Variants in MRPL16 observed in about 807,000 individuals in gnomAD.
MRPL16 encodes the protein large ribosomal subunit protein uL16m.
MRPL16 carries 17 observed loss-of-function variants against 22.7 expected under a neutral mutation model. The ratio of observed to expected loss-of-function variants is 0.75; its 90% confidence interval spans 0.51 to 1.12. The LOEUF (loss-of-function observed/expected upper bound fraction) is 1.12, where lower values mean the gene tolerates loss of function less well. MRPL16 is among the 50% of genes most tolerant of loss of function. MRPL16 has a pLI of 0.00. For synonymous variants in MRPL16, 103 were observed against 112.8 expected, an observed-to-expected ratio of 0.91 and a Z score of 0.55; for missense variants, 316 against 328.7, an observed-to-expected ratio of 0.96 and a Z score of 0.30.
chr11:59,810,344 G>A, intron 1 of MRPL16: 1 of 1,354,204 alleles, frequency 7.4e-7, no homozygotes, highest in Non-Finnish European at 9.5e-7. Context: ...TGAGGTGTGG[G>A]ATGCGGATTC....
chr11:59,810,717 CA>C lies in MRPL16; in HGVS notation c.-60del. ...AGCGACTCCGGCTGTCTCCTGCACC[CA>C]GGTAAGCAGCGGCGCTCCACTACCT... On this transcript the variant is annotated 5_prime_UTR_variant, in exon 1 of 4. Coordinates refer to ENST00000300151, the MANE Select transcript of MRPL16 (RefSeq NM_017840.4). 6.2e-7 allele frequency: 1 copy of C among 1,602,866 alleles called. No homozygotes were observed. Among genetic ancestry groups the C allele is most frequent in the Non-Finnish European group, 8.5e-7 (1 of 1,171,128 alleles).
chr11:59,810,606 G>A lies in MRPL16; in HGVS notation c.53C>T (p.Ser18Leu). The change falls in exon 1 of 4, where the codon TCA (serine) becomes TTA (leucine). Residue 18 changes from serine (S) to leucine (L), a missense_variant and splice_region_variant. Physicochemically the swap from Ser to Leu is moderately radical, Grantham distance 145. Coordinates refer to ENST00000300151, the MANE Select transcript of MRPL16 (RefSeq NM_017840.4). ...AGGAACCAAAAGGGACTTCTGACCT[G>A]ACAAGGGCACCCGCAGGAGCGGCGC... ...ASAPLLRVPLSDSWALLPASA... is the reference protein window; with the variant it reads ...ASAPLLRVPLLDSWALLPASA... 1.9e-6 allele frequency: 3 copies of A among 1,614,176 alleles called. No individual in the cohort carries two copies. Among genetic ancestry groups the A allele is most frequent in the Non-Finnish European group, 2.5e-6 (3 of 1,179,992 alleles).
chr11:59,809,500 C>G (rs1164779481), intron 2 of MRPL16: 3 of 228,786 alleles, frequency 1.3e-5, no homozygotes, highest in Non-Finnish European at 2.6e-5. Flanking sequence ...CCGCCTCCGC[C>G]TCCTAAAGTG....
chr11:59,810,572 A>C (rs371731208), intron 1 of MRPL16, 32 bp downstream of exon 1: 1 of 1,613,714 alleles, frequency 6.2e-7, no homozygotes, highest in Non-Finnish European at 8.5e-7. Context: ...GAAGAGGGGT[A>C]AAGTCTTTAG....
intron 1 of MRPL16, 70 bp downstream of exon 1, chr11:59,810,534 G>T (rs926771820): frequency 6.2e-7 from 1 of 1,602,900 alleles, no homozygotes; most frequent in Admixed American, 1.7e-5. Context: ...TTTGGGTTAG[G>T]GAGAAAAAGC....
At chr11:59,807,896 A>T in intron 2 of MRPL16, 47 bp from the exon 3 acceptor site, 1 of 1,454,354 alleles carries the variant, frequency 6.9e-7, no homozygotes, top group Non-Finnish European at 9.3e-7. Context: ...TATACATCTC[A>T]AAAGATCTAT....
In MRPL16 at chr11:59,807,751, C is replaced by T; in HGVS notation, c.220G>A (p.Gly74Arg). The change falls in exon 3 of 4, where the codon GGA becomes AGA. Residue 74 changes from glycine to arginine, a missense_variant. By Grantham distance (125) the Gly-to-Arg change is moderately radical. Coordinates refer to ENST00000300151, the MANE Select transcript of MRPL16 (RefSeq NM_017840.4). The stretch of plus-strand genomic sequence containing the variant: ...AACTCCGTAGCTTCAGTGGAAGGTC[C>T]CCGTATGTCACTTAAATTTTTAGGT... ...REPKNLSDIR[G>R]PSTEATEFTE... 6.2e-7 allele frequency: 1 copy of T among 1,613,492 alleles called. No homozygotes were observed. The highest frequency in any genetic ancestry group is 8.5e-7 in the Non-Finnish European group (1 of 1,179,756).
rs573825195 is a variant in MRPL16, at chr11:59,809,837, A to C, written c.121+18T>G. On this transcript the variant is annotated intron_variant, in intron 2 of 3. Transcript: ENST00000300151. ...ATCAGAGAAAAGATTTACGAACAGGAGAAAGACAAGCTCTCACCTTCAAAA... is the reference window on the plus strand; with the variant it reads ...ATCAGAGAAAAGATTTACGAACAGGCGAAAGACAAGCTCTCACCTTCAAAA... 1 of 1,605,856 alleles carries C rather than the reference A, an allele frequency of 6.2e-7. No individual in the cohort carries two copies. Among genetic ancestry groups the C allele is most frequent in the African/African-American group, 1.3e-5 (1 of 74,788 alleles).
chr11:59,809,629 ATT>A, intron 2 of MRPL16: 2 of 510,514 alleles, frequency 3.9e-6, no homozygotes, highest in Non-Finnish European at 6.9e-6. Flanking sequence ...GAGCTATCTC[ATT>A]AGACGCTGCT....
chr11:59,806,386 C>A lies in MRPL16; in HGVS notation c.717G>T (p.Gly239=). Residue 239 remains glycine, a synonymous_variant, in exon 4 of 4, where the codon GGG becomes GGT. Coordinates refer to ENST00000300151, the MANE Select transcript of MRPL16 (RefSeq NM_017840.4). ...VLSPYDLTHK[G]KYWGKFYMPK... ...GCATGTAGAACTTGCCCCAGTATTTCCCCTTGTGGGTCAAGTCATATGGGC... is the reference window on the plus strand; with the variant it reads ...GCATGTAGAACTTGCCCCAGTATTTACCCTTGTGGGTCAAGTCATATGGGC... 6.2e-7 allele frequency: 1 copy of A among 1,614,192 alleles called. No individual in the cohort carries two copies. Among genetic ancestry groups the A allele is most frequent in the South Asian group, 1.1e-5 (1 of 91,080 alleles).
In MRPL16 at chr11:59,806,262, C is replaced by T; in HGVS notation, c.*85G>A. 6.7e-7 allele frequency: 1 copy of T among 1,486,728 alleles called. No individual in the cohort carries two copies. The highest frequency in any genetic ancestry group is 9.1e-7 in the Non-Finnish European group (1 of 1,098,790). 92.1% of individuals were successfully genotyped at this position (1,486,728 alleles called of 1,614,324 possible). A position where few individuals can be genotyped will look rare whatever the true frequency, so the allele number is the denominator to read the frequency against. On this transcript the variant is annotated 3_prime_UTR_variant, in exon 4 of 4. Coordinates refer to ENST00000300151, the MANE Select transcript of MRPL16 (RefSeq NM_017840.4). ...CCTTAGTTATGGCTTAAGAGCTACC[C>T]AAAGACTTCAGTGGGTAGGCTGAGG...
chr11:59,810,563 A>G, intron 1 of MRPL16, 41 bp downstream of exon 1: 1 of 1,612,876 alleles, frequency 6.2e-7, no homozygotes, highest in South Asian at 1.1e-5. Context: ...GTGGGGGAGG[A>G]AGAGGGGTAA....
chr11:59,806,630 C>T lies in MRPL16; in HGVS notation c.473G>A (p.Arg158His), dbSNP rs200903139. ...ACGCCCACCCATCTCTACAACAAGG[C>T]GGCCAGCCTTCACAGGTGTCACGTA... ...DHYVTPVKAG[R>H]LVVEMGGRCE... The change falls in exon 4 of 4, where the codon CGC becomes CAC. Residue 158 changes from arginine to histidine, a missense_variant. By Grantham distance (29) the Arg-to-His change is conservative. Coordinates refer to ENST00000300151, the MANE Select transcript of MRPL16 (RefSeq NM_017840.4). 360 of 1,614,244 alleles carry T rather than the reference C, an allele frequency of 2.2e-4. 1 individual carries two copies. The highest frequency in any genetic ancestry group is 1.6e-4 in the South Asian group (15 of 91,088).
chr11:59,808,933 T>G (rs1391360226), intron 2 of MRPL16: 1 of 152,180 alleles, frequency 6.6e-6, no homozygotes, highest in African/African-American at 2.4e-5. Context: ...ATTTCTTAAA[T>G]GAACCAAGTA....
intron 2 of MRPL16, chr11:59,808,735 C>T (rs1565201839): frequency 6.6e-6 from 1 of 152,146 alleles, no homozygotes; most frequent in Non-Finnish European, 1.5e-5. Context: ...AAACTTACAA[C>T]CTAGGAATCC....
chr11:59,806,872 C>T (rs7109616), intron 3 of MRPL16, 40 bp from the exon 4 acceptor site: 35,451 of 1,582,082 alleles, frequency 0.022, 610 homozygotes, highest in Non-Finnish European at 0.025. Flanking sequence ...ATGCGGACTT[C>T]GACATCATCT....
rs137966926 is a variant in MRPL16 at position 59,806,753 on chromosome 11, T to C, written c.350A>G (p.Asn117Ser). Residue 117 changes from asparagine to serine, a missense_variant, in exon 4 of 4, where the codon AAC (asparagine) becomes AGC (serine). Transcript: ENST00000300151. ...TGGTACTCGCCATATGGCAAACATG[T>C]TCTTGGGGTCCATAGAGCGGTTGAT... ...LTINRSMDPK[N>S]MFAIWRVPAP... 5.0e-6 allele frequency: 8 copies of C among 1,614,066 alleles called. No homozygotes were observed. Among genetic ancestry groups the C allele is most frequent in the Non-Finnish European group, 6.8e-6 (8 of 1,180,040 alleles).
At chr11:59,810,376 C>G (rs1032767251) in intron 1 of MRPL16, 1 of 1,394,302 alleles carries the variant, frequency 7.2e-7, no homozygotes, top group African/African-American at 1.5e-5. Flanking sequence ...CTCAAAGGCT[C>G]AGGCTCCGCA....
intron 3 of MRPL16, chr11:59,807,375 A>G (rs1866119267): frequency 5.0e-6 from 1 of 200,710 alleles, no homozygotes; most frequent in Non-Finnish European, 1.0e-5. Flanking sequence ...ACAAGTAAGG[A>G]AACAGCTGTC....
Sources: allele counts gnomAD v4.1 joint callset, GRCh38; gene constraint gnomAD v4.1.1; transcripts MANE v1.5; gene names NCBI Gene and HGNC (gene_info 2026-07-23, HGNC 2026-07-21).